The following NCR1 variants were observed in gnomAD, a reference collection of about 807,000 sequenced individuals.
The protein encoded by NCR1 is natural cytotoxicity triggering receptor 1.
A neutral mutation model predicts 32.5 loss-of-function variants in NCR1; 30 were observed. That is an observed-to-expected ratio of 0.92 (90% CI 0.69 to 1.25). The LOEUF (loss-of-function observed/expected upper bound fraction) is 1.25. NCR1 is among the 50% of genes most tolerant of loss of function. The pLI is 0.00. For missense variants in NCR1, 369 were observed against 380.7 expected, an observed-to-expected ratio of 0.97 and a Z score of 0.26; for synonymous variants, 169 against 143.4, an observed-to-expected ratio of 1.18 and a Z score of -1.28.
the NCR1 span, chr19:54,930,627 A>T: frequency 6.2e-7 from 1 of 1,612,606 alleles, no homozygotes; most frequent in Non-Finnish European, 8.5e-7. Flanking sequence ...CCTCTGAGAG[A>T]TATCTACAGC....
chr19:54,930,499 C>A, the NCR1 span: 1 of 1,598,188 alleles, frequency 6.3e-7, no homozygotes, highest in African/African-American at 1.3e-5. Flanking sequence ...AATCGCCTAC[C>A]GTAGGTGTTT....
intron 4 of NCR1, 76 bp from the exon 5 acceptor site, chr19:54,909,934 CAAAAAAAA>C (rs11345154): frequency 8.0e-5 from 49 of 611,420 alleles, no homozygotes; most frequent in South Asian, 3.4e-4. Context: ...GACTCCATCT[CAAAAAAAA>C]AAAAAAAAAA....
chr19:54,906,385 C>G lies in NCR1; in HGVS notation c.70+51C>G, dbSNP rs768140078. On this transcript the variant is annotated intron_variant, in intron 2 of 6. Coordinates refer to ENST00000291890, the MANE Select transcript of NCR1 (RefSeq NM_004829.7). ...GTCACTCTTCCGGATTCAGGCCAAG[C>G]TCCTTCCACCCAAGCACGGCTGGGG... 5.0e-6 allele frequency: 8 copies of G among 1,607,844 alleles called. No individual in the cohort carries two copies. The Admixed American group carries it at 1.3e-4, about 27-fold the overall frequency.
chr19:54,927,355 T>C, the NCR1 span, among the ~76,000 whole-genome samples: 4 of 148,974 alleles, frequency 2.7e-5, no homozygotes, highest in African/African-American at 9.9e-5. Context: ...CACTCCAGCC[T>C]GGGCTACAAG....
the NCR1 span, among the ~76,000 whole-genome samples, chr19:54,933,190 G>A: frequency 6.6e-6 from 1 of 152,062 alleles, no homozygotes; most frequent in African/African-American, 2.4e-5. Context: ...CTGTCGCCCA[G>A]GCTGGAGTGC....
chr19:54,936,422 G>A, the NCR1 span: 18 of 1,613,812 alleles, frequency 1.1e-5, no homozygotes, highest in African/African-American at 6.7e-5. Flanking sequence ...CAGGGGTGAC[G>A]TTTTTAATCC....
At chr19:54,921,772 C>CAAAAAAAAAA in the NCR1 span, among the ~76,000 whole-genome samples, 1 of 93,962 alleles carries the variant, frequency 1.1e-5, no homozygotes, top group Non-Finnish European at 2.1e-5. Context: ...GACTCCATCT[C>CAAAAAAAAAA]AAAAAAAAAA....
chr19:54,936,712 C>T, the NCR1 span, among the ~76,000 whole-genome samples: 3 of 151,910 alleles, frequency 2.0e-5, no homozygotes, highest in Admixed American at 1.3e-4. Context: ...GTCAGGAGTT[C>T]GAGACCAGCC....
the NCR1 span, among the ~76,000 whole-genome samples, chr19:54,929,059 CA>C: frequency 1.1e-4 from 16 of 152,076 alleles, no homozygotes; most frequent in African/African-American, 2.7e-4. Context: ...AAATATTCCT[CA>C]GGGGGATGGG....
the NCR1 span, among the ~76,000 whole-genome samples, chr19:54,931,148 G>A: frequency 5.9e-4 from 90 of 152,330 alleles, no homozygotes; most frequent in Non-Finnish European, 1.1e-3. Flanking sequence ...AATGGGCCGG[G>A]CACAGTGGCT....
the NCR1 span, chr19:54,930,751 C>A: frequency 3.9e-5 from 43 of 1,106,464 alleles, no homozygotes; most frequent in African/African-American, 6.3e-4. Context: ...TATATACCTT[C>A]CACTTATATA....
the NCR1 span, among the ~76,000 whole-genome samples, chr19:54,932,859 G>C: frequency 1.3e-5 from 2 of 152,006 alleles, no homozygotes; most frequent in Admixed American, 1.3e-4. Context: ...TTTTCACCAT[G>C]TTGGCCAGGC....
the NCR1 span, chr19:54,927,577 AAAAC>A: frequency 9.1e-6 from 13 of 1,431,648 alleles, no homozygotes; most frequent in South Asian, 7.0e-5. Flanking sequence ...AACAAAAAAC[AAAAC>A]AAAACAAAAC....
the NCR1 span, among the ~76,000 whole-genome samples, chr19:54,922,321 A>G: frequency 6.6e-6 from 1 of 152,190 alleles, no homozygotes; most frequent in African/African-American, 2.4e-5. Context: ...ATTCTTAAGG[A>G]AAATTGCGGA....
downstream of NCR1, chr19:54,915,869 G>T (rs1315162560): frequency 1.3e-5 from 2 of 150,986 alleles, no homozygotes; most frequent in African/African-American, 4.9e-5. Flanking sequence ...AACCACATAG[G>T]CTCAGTCTTT....
chr19:54,925,375 A>G, the NCR1 span, among the ~76,000 whole-genome samples: 11 of 152,188 alleles, frequency 7.2e-5, no homozygotes, highest in African/African-American at 2.7e-4. Context: ...CAATTATTTG[A>G]ACTGCAGACG....
At chr19:54,899,800 G>A in the NCR1 span, among the ~76,000 whole-genome samples, 8 of 152,124 alleles carry the variant, frequency 5.3e-5, no homozygotes, top group East Asian at 1.9e-4. Flanking sequence ...CCTCTGAAAC[G>A]TGGGTGAATA....
At chr19:54,929,107 G>A in the NCR1 span, among the ~76,000 whole-genome samples, 8 of 152,142 alleles carry the variant, frequency 5.3e-5, no homozygotes, top group Non-Finnish European at 1.2e-4. Flanking sequence ...GGTGGCTCAT[G>A]CCTGTAATCC....
the NCR1 span, chr19:54,927,868 G>A: frequency 9.2e-7 from 1 of 1,082,540 alleles, no homozygotes; most frequent in Non-Finnish European, 1.4e-6. Flanking sequence ...AAGGCGGGTG[G>A]ATCACTTGAG....
Sources: allele counts gnomAD v4.1 joint callset (sites outside exome capture counted in the v4.1 genomes callset), GRCh38; gene constraint gnomAD v4.1.1; transcripts MANE v1.5; gene names NCBI Gene and HGNC (gene_info 2026-07-23, HGNC 2026-07-21).